TLN2: variants seen among roughly 807,000 people sequenced by gnomAD.
TLN2 encodes talin-2.
In TLN2, 118 loss-of-function variants were observed where a neutral mutation model predicts 294.7. That is an observed-to-expected ratio of 0.40 (90% CI 0.34 to 0.47). The LOEUF (loss-of-function observed/expected upper bound fraction) is 0.47, where lower values mean the gene tolerates loss of function less well. Among genes scored for constraint, TLN2 ranks in the 20% least tolerant of loss-of-function variants. TLN2 has a pLI of 0.84. For missense variants in TLN2, 3,083 were observed against 3,282.2 expected (o/e 0.94, Z 1.48); for synonymous variants, 1,431 against 1,304.5 (o/e 1.10, Z -2.09).
chr15:62,445,818 C>T (rs2035792687), intron 1 of TLN2, among the ~76,000 whole-genome samples: 1 of 151,940 alleles, frequency 6.6e-6, no homozygotes, highest in Non-Finnish European at 1.5e-5. Context: ...CACATGCCAC[C>T]ACTCACAGCT....
At chr15:62,840,429 G>A (rs1053979294) in intron 58 of TLN2, 53 bp from the exon 59 acceptor site, 53 of 1,604,734 alleles carry the variant, frequency 3.3e-5, no homozygotes, top group Middle Eastern at 1.7e-4. Context: ...GGGGTGGGTC[G>A]GAGGGTTTTC....
chr15:62,564,587 A>G (rs540818309), intron 1 of TLN2, among the ~76,000 whole-genome samples: 17 of 152,112 alleles, frequency 1.1e-4, no homozygotes, highest in Admixed American at 5.2e-4. Flanking sequence ...TCCTGTGTGC[A>G]TTACTTTTCC....
intron 1 of TLN2, among the ~76,000 whole-genome samples, chr15:62,540,629 G>C (rs185145359): frequency 3.7e-4 from 57 of 152,210 alleles, no homozygotes; most frequent in African/African-American, 1.3e-3. Context: ...CCTGGACTTT[G>C]GAACTCTGAG....
intron 1 of TLN2, among the ~76,000 whole-genome samples, chr15:62,515,862 G>C (rs2040164197): frequency 6.6e-6 from 1 of 152,182 alleles, no homozygotes; most frequent in Non-Finnish European, 1.5e-5. Flanking sequence ...CCCTCTGCCT[G>C]TCCTTTATGT....
Position 62,740,720 on chromosome 15 carries a change from G to A in TLN2, c.3976G>A (p.Val1326Ile). Residue 1326 changes from valine to isoleucine, a missense_variant, in exon 32 of 59, where the codon GTA (valine) becomes ATA (isoleucine). Transcript: ENST00000636159. ...KLLLAAKSLS[V>I]DPGAPNAKNL... The stretch of plus-strand genomic sequence containing the variant: ...GCTGTTAGCTGCCAAGTCTCTCTCT[G>A]TAGATCCAGGAGCTCCCAATGCGAA... 1 of 1,614,212 alleles carries A rather than the reference G, an allele frequency of 6.2e-7. No homozygotes were observed. The highest frequency in any genetic ancestry group is 1.6e-4 in the Middle Eastern group (1 of 6,062).
intron 22 of TLN2, among the ~76,000 whole-genome samples, chr15:62,714,866 C>T (rs2059669192): frequency 3.3e-5 from 5 of 152,154 alleles, no homozygotes. Context: ...TGAGCAAGGA[C>T]CCAAAGCATC....
At chr15:62,673,346 T>C (rs1023454157) in intron 9 of TLN2, among the ~76,000 whole-genome samples, 2 of 135,464 alleles carry the variant, frequency 1.5e-5, no homozygotes, top group Non-Finnish European at 3.2e-5. Context: ...CATGTGGTTC[T>C]AAAGTGAAAA....
At chr15:62,703,574 T>G (rs1188486422) in intron 19 of TLN2, among the ~76,000 whole-genome samples, 1 of 151,412 alleles carries the variant, frequency 6.6e-6, no homozygotes, top group Non-Finnish European at 1.5e-5. Flanking sequence ...TCTTGAGTCC[T>G]CATAAACATG....
intron 58 of TLN2, among the ~76,000 whole-genome samples, chr15:62,839,454 T>C (rs1402332767): frequency 1.3e-5 from 2 of 152,230 alleles, no homozygotes. Context: ...AATAAAATGA[T>C]GCATTTGGAG....
intron 1 of TLN2, among the ~76,000 whole-genome samples, chr15:62,537,876 T>C (rs998237398): frequency 1.3e-5 from 2 of 152,184 alleles, no homozygotes; most frequent in African/African-American, 4.8e-5. Context: ...CTCCTCAGTG[T>C]CTTGCCCATT....
At chr15:62,424,363 G>A (rs1448056115) in intron 1 of TLN2, among the ~76,000 whole-genome samples, 1 of 152,192 alleles carries the variant, frequency 6.6e-6, no homozygotes, top group Non-Finnish European at 1.5e-5. Context: ...GGAATGAGAC[G>A]CGGAGTGGTG....
chr15:62,617,572 GT>G (rs1261055035), intron 2 of TLN2, among the ~76,000 whole-genome samples: 1 of 152,174 alleles, frequency 6.6e-6, no homozygotes, highest in Admixed American at 6.5e-5. Flanking sequence ...AGCTCCCTGT[GT>G]TGGTGGTCAC....
intron 1 of TLN2, among the ~76,000 whole-genome samples, chr15:62,549,502 A>G (rs2042180035): frequency 6.6e-6 from 1 of 151,882 alleles, no homozygotes; most frequent in Non-Finnish European, 1.5e-5. Flanking sequence ...CCATCCATCC[A>G]TCCATCCATC....
chr15:62,683,444 ATTGGTAGAATGCCTGCATTCTCCCG>A (rs2057014815), intron 11 of TLN2, among the ~76,000 whole-genome samples: 1 of 149,866 alleles, frequency 6.7e-6, no homozygotes, highest in Admixed American at 6.7e-5. Flanking sequence ...CCCGCCTCTC[ATTGGTAGAATGCCTGCATTCTCCCG>A]CCTCTCATTG....
intron 3 of TLN2, among the ~76,000 whole-genome samples, chr15:62,634,921 T>C (rs1209169753): frequency 1.3e-5 from 2 of 152,250 alleles, no homozygotes; most frequent in African/African-American, 4.8e-5. Context: ...GTATTAAACA[T>C]TTATCTTTTC....
chr15:62,463,387 A>C (rs904203471), intron 1 of TLN2, among the ~76,000 whole-genome samples: 1 of 152,096 alleles, frequency 6.6e-6, no homozygotes, highest in South Asian at 2.1e-4. Context: ...TGATTTCTCT[A>C]TTTCACTTAG....
intron 3 of TLN2, chr15:62,645,061 G>A (rs145760273): frequency 6.3e-6 from 1 of 158,228 alleles, no homozygotes; most frequent in South Asian, 1.8e-4. Flanking sequence ...ATGGATTTTA[G>A]CAATTGTTGC....
intron 1 of TLN2, among the ~76,000 whole-genome samples, chr15:62,501,298 C>T (rs2039293726): frequency 6.6e-6 from 1 of 152,120 alleles, no homozygotes; most frequent in Non-Finnish European, 1.5e-5. Context: ...TCCTATTTCT[C>T]CTGAGCAGGC....
intron 40 of TLN2, 68 bp from the exon 41 acceptor site, chr15:62,766,253 C>T (rs2062996188): frequency 7.1e-7 from 1 of 1,404,904 alleles, no homozygotes; most frequent in Non-Finnish European, 9.9e-7. Flanking sequence ...TCAGAGGGGC[C>T]TTTTTGAATC....
Sources: allele counts gnomAD v4.1 joint callset (sites outside exome capture counted in the v4.1 genomes callset), GRCh38; gene constraint gnomAD v4.1.1; transcripts MANE v1.5; gene names NCBI Gene and HGNC (gene_info 2026-07-23, HGNC 2026-07-21).